The following PCDH8 variants were observed in gnomAD, a reference collection of about 807,000 sequenced individuals.
PCDH8 encodes the protein protocadherin-8.
Under a neutral mutation model 58.2 loss-of-function variants are expected in PCDH8, and 36 were observed. The observed-to-expected ratio is 0.62, with a 90% CI of 0.47 to 0.82. The LOEUF is 0.82. PCDH8 is among the 40% of genes least tolerant of loss of function. PCDH8 has a pLI of 0.00. For missense variants in PCDH8, 1,493 were observed against 1,567.8 expected (o/e 0.95, Z 0.81); for synonymous variants, 775 against 728.9 (o/e 1.06, Z -1.02).
rs200012830 is a variant in PCDH8, at chr13:52,844,547, A to T, written c.*13T>A. The T allele has an allele frequency of 2.6e-6, 4 of 1,561,692 alleles. No homozygotes were observed. The highest frequency in any genetic ancestry group is 2.6e-6 in the Non-Finnish European group (3 of 1,153,048). On this transcript the variant is annotated 3_prime_UTR_variant, in exon 3 of 3. Coordinates refer to ENST00000377942, the MANE Select transcript of PCDH8 (RefSeq NM_002590.4). Reference sequence around the variant, plus strand: ...GAGTGACCTGTATATGTGTGAAGACATGCAGCATGGGATTACACATTTTCA... The same window carrying T: ...GAGTGACCTGTATATGTGTGAAGACTTGCAGCATGGGATTACACATTTTCA...
Position 52,843,907 on chromosome 13 carries a change from C to T in PCDH8, c.*653G>A, listed in dbSNP as rs892329725. The T allele has an allele frequency of 1.3e-5, 2 of 152,356 alleles. No individual in the cohort carries two copies. Among genetic ancestry groups the T allele is most frequent in the African/African-American group, 2.4e-5 (1 of 41,438 alleles). The allele number at this position is 152,356 out of a possible 1,614,324, so 9.4% of individuals were successfully genotyped here. On this transcript the variant is annotated 3_prime_UTR_variant, in exon 3 of 3. Coordinates refer to ENST00000377942, the MANE Select transcript of PCDH8 (RefSeq NM_002590.4). ...ATAATTAGCACTTGAAAGAAGGTTT[C>T]ATTCTGATACTCAAATTATTTGTGA...
Position 52,844,907 on chromosome 13 carries a change from T to C in PCDH8, c.2866A>G (p.Lys956Glu), listed in dbSNP as rs1314734598. 1 of 1,542,880 alleles carries C rather than the reference T, an allele frequency of 6.5e-7. No individual in the cohort carries two copies. The highest frequency in any genetic ancestry group is 2.3e-5 in the East Asian group (1 of 44,236). The stretch of plus-strand genomic sequence containing the variant: ...CAGCGGTCAGAGTGGCCCAGGATCT[T>C]ACACTCAGCGGTGCACGCCCACAGT... ...SGLWACTAEC[K>E]ILGHSDRCWS... is the part of the protein sequence containing the mutation. Residue 956 changes from lysine (K) to glutamate (E), a missense_variant, in exon 3 of 3, where the codon AAG becomes GAG. Physicochemically the swap from Lys to Glu is moderately conservative, Grantham distance 56 (BLOSUM62 1). Coordinates refer to ENST00000377942, the MANE Select transcript of PCDH8 (RefSeq NM_002590.4).
At position 52,846,089 on chromosome 13, in the gene PCDH8, T is replaced by G; in HGVS notation, c.2348A>C (p.Lys783Thr). ...CCGCTCTTCCCGGAGGGCCCCCCCT[T>G]TGCGCACCTCCTTCTTGCGGCGGTT... ...TCNRRKKEVRKGGALREERPG... is the reference protein window; with the variant it reads ...TCNRRKKEVRTGGALREERPG... The change falls in exon 1 of 3, where the codon AAA (lysine) becomes ACA (threonine). Residue 783 changes from lysine to threonine, a missense_variant. By Grantham distance (78) the Lys-to-Thr change is moderately conservative. Coordinates refer to ENST00000377942, the MANE Select transcript of PCDH8 (RefSeq NM_002590.4). The G allele has an allele frequency of 5.1e-6, 8 of 1,574,330 alleles. 1 individual carries two copies. In the Middle Eastern group the frequency reaches 5.0e-4, roughly 99 times the overall value.
chr13:52,844,533 A>G lies in PCDH8; in HGVS notation c.*27T>C, dbSNP rs1225943593. On this transcript the variant is annotated 3_prime_UTR_variant, in exon 3 of 3. Coordinates refer to ENST00000377942, the MANE Select transcript of PCDH8 (RefSeq NM_002590.4). The stretch of plus-strand genomic sequence containing the variant: ...TTAGGGGCTTCTCGGAGTGACCTGT[A>G]TATGTGTGAAGACATGCAGCATGGG... 4.5e-6 allele frequency: 7 copies of G among 1,544,958 alleles called. No homozygotes were observed. The African/African-American group carries it at 5.5e-5, about 12-fold the overall frequency.
Position 52,846,330 on chromosome 13 carries a change from T to C in PCDH8, c.2107A>G (p.Thr703Ala). ...GTTACCACGAAGCTGACAGTTGCGG[T>C]GGTGGTGAGCGGGGGACGGCCGCCG... ...SDGGRPPLTT[T>A]ATVSFVVTAG... Residue 703 changes from threonine to alanine, a missense_variant, in exon 1 of 3, where the codon ACC becomes GCC. Thr to Ala is a moderately conservative substitution (Grantham distance 58, BLOSUM62 0). Around this residue, in one of 3 missense-constraint regions of PCDH8, gnomAD observed 1,307 missense variants for 1,362.7 expected, o/e 0.96. Coordinates refer to ENST00000377942, the MANE Select transcript of PCDH8 (RefSeq NM_002590.4). 3 of 1,566,318 alleles carry C rather than the reference T, an allele frequency of 1.9e-6. No homozygotes were observed. Among genetic ancestry groups the C allele is most frequent in the Non-Finnish European group, 2.6e-6 (3 of 1,157,506 alleles).
chr13:52,845,844 A>G lies in PCDH8; in HGVS notation c.2593T>C (p.Phe865Leu). 1 of 1,518,012 alleles carries G rather than the reference A, an allele frequency of 6.6e-7. No individual in the cohort carries two copies. The highest frequency in any genetic ancestry group is 8.8e-7 in the Non-Finnish European group (1 of 1,140,706). 94.0% of individuals were successfully genotyped at this position (1,518,012 alleles called of 1,614,324 possible). A position where few individuals can be genotyped will look rare whatever the true frequency, so the allele number is the denominator to read the frequency against. Residue 865 changes from phenylalanine (F) to leucine (L), a missense_variant, in exon 1 of 3, where the codon TTC becomes CTC. Physicochemically the swap from Phe to Leu is conservative, Grantham distance 22 (BLOSUM62 0). Around this residue, in one of 3 missense-constraint regions of PCDH8, gnomAD observed 1,307 missense variants for 1,362.7 expected, o/e 0.96. Coordinates refer to ENST00000377942, the MANE Select transcript of PCDH8 (RefSeq NM_002590.4). ...GSATGESACH[F>L]EGQQRLRGAH... ...CCGCGGAGCCGCTGCTGCCCCTCGA[A>G]GTGACAGGCGCTTTCCCCAGTGGCG...
intron 1 of PCDH8, 74 bp downstream of exon 1, chr13:52,845,732 A>ACCCCTCCAGTCTCCCTT (rs1965719062): frequency 5.3e-6 from 8 of 1,510,920 alleles, no homozygotes; most frequent in Non-Finnish European, 5.3e-6. Flanking sequence ...CACCCACCCT[A>ACCCCTCCAGTCTCCCTT]CCCCTCCAGT....
intron 2 of PCDH8, 138 bp downstream of exon 2, chr13:52,845,287 C>A: frequency 2.5e-6 from 2 of 805,788 alleles, no homozygotes; most frequent in Non-Finnish European, 4.1e-6. Flanking sequence ...TGAGGCAGGC[C>A]CGTATCCGCA....
In PCDH8 at chr13:52,847,648, G is replaced by A; in HGVS notation, c.789C>T (p.Ser263=). 6.4e-7 allele frequency: 1 copy of A among 1,572,734 alleles called. No individual in the cohort carries two copies. Among genetic ancestry groups the A allele is most frequent in the East Asian group, 2.3e-5 (1 of 42,780 alleles). ...CGGCTGCGTCCAGGTCGAGAAGCAG[G>A]GAGCCCACGGGCGCGTCTTCCGCCA... ...VELAEDAPVG[S]LLLDLDAADP... is the part of the protein sequence containing the mutation. The change falls in exon 1 of 3, where the codon TCC becomes TCT. Residue 263 remains serine, a synonymous_variant. Transcript: ENST00000377942.
Position 52,848,123 on chromosome 13 carries a change from G to T in PCDH8, c.314C>A (p.Ala105Asp). 8.7e-6 allele frequency: 14 copies of T among 1,612,778 alleles called. No individual in the cohort carries two copies. The highest frequency in any genetic ancestry group is 1.2e-5 in the Non-Finnish European group (14 of 1,179,794). Residue 105 changes from alanine (A) to aspartate (D), a missense_variant, in exon 1 of 3, where the codon GCC becomes GAC. Coordinates refer to ENST00000377942, the MANE Select transcript of PCDH8 (RefSeq NM_002590.4). The part of the protein sequence containing the change: ...LCGQAPQCVL[A>D]FDVVSFSQEQ... The stretch of plus-strand genomic sequence containing the variant: ...CTGCGAGAAGCTGACCACATCGAAG[G>T]CCAGCACGCACTGCGGGGCCTGGCC...
chr13:52,845,785 C>T, intron 1 of PCDH8, 21 bp downstream of exon 1: 3 of 1,496,850 alleles, frequency 2.0e-6, no homozygotes, highest in Non-Finnish European at 2.7e-6. Flanking sequence ...AGGGGGGCGC[C>T]CAGCCGAAGG....
chr13:52,846,974 C>A lies in PCDH8; in HGVS notation c.1463G>T (p.Gly488Val). 6.3e-7 allele frequency: 1 copy of A among 1,594,084 alleles called. No individual in the cohort carries two copies. Among genetic ancestry groups the A allele is most frequent in the East Asian group, 2.3e-5 (1 of 43,760 alleles). The change falls in exon 1 of 3, where the codon GGC (glycine) becomes GTC (valine). Residue 488 changes from glycine to valine, a missense_variant. This residue lies in a region of PCDH8 where 1,307 missense variants were observed against 1,362.7 expected (regional missense o/e 0.96). Transcript: ENST00000377942. Reference sequence around the variant, plus strand: ...GAGCGGCGCGTTGTCGTTCTCGTCGCCCACACGCACCGTGTAGGGCCGCAC... The same window carrying A: ...GAGCGGCGCGTTGTCGTTCTCGTCGACCACACGCACCGTGTAGGGCCGCAC... Reference protein sequence around the residue: ...RTVRPYTVRVGDENDNAPLFT... With the variant: ...RTVRPYTVRVVDENDNAPLFT...
rs1965753340 is a variant in PCDH8, at chr13:52,847,146, G to C, written c.1291C>G (p.Leu431Val). 6.5e-7 allele frequency: 1 copy of C among 1,533,530 alleles called. No individual in the cohort carries two copies. The highest frequency in any genetic ancestry group is 8.7e-7 in the Non-Finnish European group (1 of 1,148,478). The allele number at this position is 1,533,530 out of a possible 1,614,324, so 95.0% of individuals were successfully genotyped here. ...AGCCGGAAGTGCTCGTGCCCATAGAGGGCGCAGCGCACTTGCCCGTTGGCG... is the reference window on the plus strand; with the variant it reads ...AGCCGGAAGTGCTCGTGCCCATAGACGGCGCAGCGCACTTGCCCGTTGGCG... ...SGANGQVRCA[L>V]YGHEHFRLQP... Residue 431 changes from leucine (L) to valine (V), a missense_variant, in exon 1 of 3, where the codon CTC becomes GTC. Physicochemically the swap from Leu to Val is conservative, Grantham distance 32. This residue lies in a region of PCDH8 where 1,307 missense variants were observed against 1,362.7 expected (regional missense o/e 0.96). Coordinates refer to ENST00000377942, the MANE Select transcript of PCDH8 (RefSeq NM_002590.4).
chr13:52,844,928 A>G lies in PCDH8; in HGVS notation c.2845T>C (p.Trp949Arg), dbSNP rs202162563. Residue 949 changes from tryptophan (W) to arginine (R), a missense_variant, in exon 3 of 3, where the codon TGG becomes CGG. By Grantham distance (101) the Trp-to-Arg change is moderately radical. Coordinates refer to ENST00000377942, the MANE Select transcript of PCDH8 (RefSeq NM_002590.4). ...ATCTTACACTCAGCGGTGCACGCCC[A>G]CAGTCCTAATACGAAAGGGAAAAGG... ...DLINHMQSGL[W>R]ACTAECKILG... 4.5e-5 allele frequency: 68 copies of G among 1,522,598 alleles called. No homozygotes were observed. Among genetic ancestry groups the G allele is most frequent in the Non-Finnish European group, 5.9e-5 (67 of 1,135,710 alleles). 94.3% of individuals were successfully genotyped at this position (1,522,598 alleles called of 1,614,324 possible). A position where few individuals can be genotyped will look rare whatever the true frequency, so the allele number is the denominator to read the frequency against.
chr13:52,848,162 C>T lies in PCDH8; in HGVS notation c.275G>A (p.Arg92His), dbSNP rs2138357678. ...QLTVGDAGLD[R>H]ERLCGQAPQC... ...CGGGGCCTGGCCACACAGCCGCTCG[C>T]GGTCCAGGCCGGCGTCCCCGACGGT... The change falls in exon 1 of 3, where the codon CGC (arginine) becomes CAC (histidine). Residue 92 changes from arginine to histidine, a missense_variant. Arg to His is a conservative substitution (Grantham distance 29). Transcript: ENST00000377942. 10 of 1,612,388 alleles carry T rather than the reference C, an allele frequency of 6.2e-6. No individual in the cohort carries two copies. Among genetic ancestry groups the T allele is most frequent in the Non-Finnish European group, 8.5e-6 (10 of 1,179,614 alleles).
Position 52,845,592 on chromosome 13 carries a change from G to T in PCDH8, c.2672C>A (p.Pro891His). 1 of 1,614,138 alleles carries T rather than the reference G, an allele frequency of 6.2e-7. No homozygotes were observed. ...GTGTCCTTTCCACACCGCCACAGGG[G>T]GCGCCGGCTCCTTTCCAAAACCCGG... Reference protein sequence around the residue: ...ASPGFGKEPAPPVAVWKGHSF... With the variant: ...ASPGFGKEPAHPVAVWKGHSF... Residue 891 changes from proline (P) to histidine (H), a missense_variant, in exon 2 of 3, where the codon CCC (proline) becomes CAC (histidine). Around this residue, in one of 3 missense-constraint regions of PCDH8, gnomAD observed 1,307 missense variants for 1,362.7 expected, o/e 0.96. Transcript: ENST00000377942.
rs1566264038 is a variant in PCDH8 at position 52,845,446 on chromosome 13, G to A, written c.2818C>T (p.Leu940Phe). 1.2e-6 allele frequency: 2 copies of A among 1,614,214 alleles called. No individual in the cohort carries two copies. The highest frequency in any genetic ancestry group is 1.7e-6 in the Non-Finnish European group (2 of 1,180,028). Residue 940 changes from leucine to phenylalanine, a missense_variant, in exon 2 of 3, where the codon CTC (leucine) becomes TTC (phenylalanine). Leu to Phe is a conservative substitution (Grantham distance 22, BLOSUM62 0). Transcript: ENST00000377942. ...TCACCACTCTGCATGTGGTTGATGA[G>A]ATCCTTTTTCAGAGCGTCCCCGCTG... ...DISGDALKKD[L>F]INHMQSGLWA...
chr13:52,846,316 G>A lies in PCDH8; in HGVS notation c.2121C>T (p.Ser707=). The A allele has an allele frequency of 6.4e-7, 1 of 1,570,818 alleles. No individual in the cohort carries two copies. Among genetic ancestry groups the A allele is most frequent in the Non-Finnish European group, 8.6e-7 (1 of 1,160,472 alleles). Reference sequence around the variant, plus strand: ...GCCCGCCCCCTGCTGTTACCACGAAGCTGACAGTTGCGGTGGTGGTGAGCG... The same window carrying A: ...GCCCGCCCCCTGCTGTTACCACGAAACTGACAGTTGCGGTGGTGGTGAGCG... ...RPPLTTTATV[S]FVVTAGGGRG... The change falls in exon 1 of 3, where the codon AGC becomes AGT. Residue 707 remains serine, a synonymous_variant. Transcript: ENST00000377942.
At position 52,844,533 on chromosome 13, in the gene PCDH8, A is replaced by C; in HGVS notation, c.*27T>G. ...TTAGGGGCTTCTCGGAGTGACCTGT[A>C]TATGTGTGAAGACATGCAGCATGGG... On this transcript the variant is annotated 3_prime_UTR_variant, in exon 3 of 3. Coordinates refer to ENST00000377942, the MANE Select transcript of PCDH8 (RefSeq NM_002590.4). 4 of 1,545,074 alleles carry C rather than the reference A, an allele frequency of 2.6e-6. No individual in the cohort carries two copies.
Sources: allele counts gnomAD v4.1 joint callset, GRCh38; gene constraint gnomAD v4.1.1; regional missense constraint gnomAD v4.1.1; transcripts MANE v1.5; gene names NCBI Gene and HGNC (gene_info 2026-07-23, HGNC 2026-07-21).